Variants in DTNB observed in about 807,000 individuals in gnomAD.
DTNB encodes the protein DTN-B.
Under a neutral mutation model 90.7 loss-of-function variants are expected in DTNB, and 63 were observed. The observed-to-expected ratio is 0.69, with a 90% CI of 0.57 to 0.86. The LOEUF (loss-of-function observed/expected upper bound fraction) is 0.86. Ranked by LOEUF, DTNB falls within the 40% of genes least tolerant of loss-of-function variation. The pLI, the probability that DTNB is intolerant of heterozygous loss-of-function variation, is 0.00. For synonymous variants in DTNB, 277 were observed against 286.7 expected (o/e 0.97, Z 0.34); for missense variants, 744 against 807.1 (o/e 0.92, Z 0.95).
At chr2:25,631,336 C>T (rs1439459106) in intron 3 of DTNB, among the ~76,000 whole-genome samples, 1 of 152,024 alleles carries the variant, frequency 6.6e-6, no homozygotes, top group African/African-American at 2.4e-5. Context: ...TGTCTGTAAT[C>T]CCACTCCTGG....
chr2:25,654,489 CCT>C (rs1371397560), intron 1 of DTNB, among the ~76,000 whole-genome samples: 1 of 152,126 alleles, frequency 6.6e-6, no homozygotes, highest in Non-Finnish European at 1.5e-5. Context: ...GCTGAGAAAC[CCT>C]GAGACAGACC....
intron 8 of DTNB, among the ~76,000 whole-genome samples, chr2:25,563,167 C>T (rs766455353): frequency 5.9e-5 from 9 of 152,182 alleles, no homozygotes; most frequent in Non-Finnish European, 1.2e-4. Flanking sequence ...AGTATGTTCA[C>T]GTTGCCATAA....
intron 16 of DTNB, among the ~76,000 whole-genome samples, chr2:25,406,740 G>T (rs954832885): frequency 3.3e-5 from 5 of 152,134 alleles, no homozygotes; most frequent in African/African-American, 1.2e-4. Context: ...TCCTACAGAG[G>T]ATGGTCTGCC....
At chr2:25,586,175 AT>A (rs1450607250) in intron 6 of DTNB, among the ~76,000 whole-genome samples, 1 of 152,200 alleles carries the variant, frequency 6.6e-6, no homozygotes, top group Admixed American at 6.5e-5. Context: ...TCAAACCAAA[AT>A]TACTAATTTT....
At chr2:25,465,387 A>AG (rs1481545877) in intron 10 of DTNB, among the ~76,000 whole-genome samples, 2 of 151,774 alleles carry the variant, frequency 1.3e-5, no homozygotes, top group Admixed American at 1.3e-4. Flanking sequence ...AAAAAAAAAA[A>AG]AGAAAGAAAA....
intron 16 of DTNB, among the ~76,000 whole-genome samples, chr2:25,409,416 C>T (rs188567484): frequency 3.4e-3 from 515 of 152,264 alleles, no homozygotes; most frequent in Admixed American, 6.2e-3. Flanking sequence ...GTAAAGGTTA[C>T]GTGCTTGTTT....
chr2:25,611,813 A>G (rs2068706813), intron 4 of DTNB, among the ~76,000 whole-genome samples: 1 of 151,982 alleles, frequency 6.6e-6, no homozygotes, highest in South Asian at 2.1e-4. Flanking sequence ...ATCTCTAAAT[A>G]GAAAAATAAT....
intron 9 of DTNB, among the ~76,000 whole-genome samples, chr2:25,526,395 A>ATATATATATATATATATTTTTTT: frequency 1.2e-4 from 6 of 49,826 alleles, no homozygotes; most frequent in African/African-American, 4.9e-4. Flanking sequence ...ATATATATAT[A>ATATATATATATATATATTTTTTT]TTTTTTTTTT....
chr2:25,625,746 C>A (rs1339362495), intron 4 of DTNB, among the ~76,000 whole-genome samples: 3 of 151,946 alleles, frequency 2.0e-5, no homozygotes, highest in African/African-American at 7.3e-5. Context: ...CATCTCTGCC[C>A]TCTTCCTTCC....
At chr2:25,487,762 G>A (rs1437592770) in intron 9 of DTNB, among the ~76,000 whole-genome samples, 1 of 152,208 alleles carries the variant, frequency 6.6e-6, no homozygotes, top group Non-Finnish European at 1.5e-5. Flanking sequence ...AAATACATGA[G>A]AAACTGGGTC....
intron 9 of DTNB, among the ~76,000 whole-genome samples, chr2:25,517,841 G>T (rs2075381345): frequency 6.6e-6 from 1 of 152,088 alleles, no homozygotes; most frequent in Non-Finnish European, 1.5e-5. Flanking sequence ...AGCAAAATAT[G>T]GTATCTACAT....
chr2:25,603,744 C>T (rs2066421396), intron 5 of DTNB, among the ~76,000 whole-genome samples: 1 of 151,676 alleles, frequency 6.6e-6, no homozygotes. Context: ...GAGGTAACAA[C>T]AGAGAGTCCA....
At chr2:25,448,381 C>T (rs1329178056) in intron 12 of DTNB, among the ~76,000 whole-genome samples, 2 of 152,096 alleles carry the variant, frequency 1.3e-5, no homozygotes, top group African/African-American at 4.8e-5. Context: ...AACATAACTC[C>T]TCAAAGAAAG....
chr2:25,541,392 G>C (rs1462779438), intron 8 of DTNB, among the ~76,000 whole-genome samples: 1 of 152,102 alleles, frequency 6.6e-6, no homozygotes, highest in African/African-American at 2.4e-5. Flanking sequence ...TGAGGCAGGA[G>C]AATCACTTGA....
chr2:25,599,364 C>G (rs1056543853), intron 5 of DTNB, among the ~76,000 whole-genome samples: 1 of 149,412 alleles, frequency 6.7e-6, no homozygotes, highest in Non-Finnish European at 1.5e-5. Context: ...TTTTTTTAGA[C>G]GGGGTCTCAC....
intron 4 of DTNB, among the ~76,000 whole-genome samples, chr2:25,609,125 G>A (rs139456439): frequency 6.7e-4 from 102 of 152,282 alleles, no homozygotes; most frequent in Middle Eastern, 3.4e-3. Context: ...TAGTTTTCAA[G>A]CCTACTTTCC....
chr2:25,392,718 C>G (rs1044947306), intron 16 of DTNB, among the ~76,000 whole-genome samples: 1 of 152,036 alleles, frequency 6.6e-6, no homozygotes, highest in Admixed American at 6.6e-5. Context: ...TCTGAATAGA[C>G]CAATAACAAG....
At chr2:25,649,708 G>A (rs540647421) in intron 2 of DTNB, 7 of 152,270 alleles carry the variant, frequency 4.6e-5, no homozygotes, top group African/African-American at 1.7e-4. Flanking sequence ...GACAGAGCAA[G>A]ACACAGTCTC....
At chr2:25,423,293 G>A (rs2050408967) in intron 15 of DTNB, among the ~76,000 whole-genome samples, 1 of 152,144 alleles carries the variant, frequency 6.6e-6, no homozygotes, top group South Asian at 2.1e-4. Context: ...AATAACTAAT[G>A]TGACACTTAG....
Sources: gnomAD v4.1 joint callset for allele counts (sites outside exome capture counted in the v4.1 genomes callset) on GRCh38, gnomAD v4.1.1 for gene constraint, MANE v1.5 for transcripts, NCBI Gene and HGNC (gene_info 2026-07-23, HGNC 2026-07-21) for gene names.